WSB1: variants seen among roughly 807,000 people sequenced by gnomAD.
WSB1 encodes the protein WD repeat and SOCS box containing 1.
A neutral mutation model predicts 50.2 loss-of-function variants in WSB1; 23 were observed. The observed-to-expected ratio is 0.46, with a 90% CI of 0.33 to 0.65. The LOEUF (loss-of-function observed/expected upper bound fraction) is 0.65, where lower values mean the gene tolerates loss of function less well. WSB1 is among the 30% of genes least tolerant of loss of function. The pLI, the probability that WSB1 is intolerant of heterozygous loss-of-function variation, is 0.02. For synonymous variants in WSB1, 179 were observed against 172.0 expected (o/e 1.04, Z -0.32); for missense variants, 492 against 522.3 (o/e 0.94, Z 0.56).
rs775426843 is a variant in WSB1 at position 27,306,779 on chromosome 17, C to T, written c.611-3C>T. 6.2e-6 allele frequency: 10 copies of T among 1,613,032 alleles called. No individual in the cohort carries two copies. Among genetic ancestry groups the T allele is most frequent in the Non-Finnish European group, 8.5e-6 (10 of 1,179,696 alleles). On this transcript the variant is annotated splice_polypyrimidine_tract_variant and splice_region_variant and intron_variant, in intron 4 of 8. Transcript: ENST00000262394. ...TTAATACAGATTATTTCTTTTTGTTCAGGAAACATGATGAAAGTATTGAGG... is the reference window on the plus strand; with the variant it reads ...TTAATACAGATTATTTCTTTTTGTTTAGGAAACATGATGAAAGTATTGAGG...
intron 2 of WSB1, among the ~76,000 whole-genome samples, chr17:27,302,214 C>T (rs2017258983): frequency 6.6e-6 from 1 of 151,930 alleles, no homozygotes; most frequent in Non-Finnish European, 1.5e-5. Context: ...AGTTTGATAC[C>T]CGCCTGGCCA....
chr17:27,302,482 A>T, intron 2 of WSB1: 1 of 131,250 alleles, frequency 7.6e-6, no homozygotes, highest in East Asian at 2.0e-4. Flanking sequence ...TAAAAGTCAG[A>T]TTGTGTCTAA....
chr17:27,307,101 A>G, intron 5 of WSB1: 1 of 532,388 alleles, frequency 1.9e-6, no homozygotes, highest in Admixed American at 3.4e-5. Flanking sequence ...ATAGATAATA[A>G]TGGGCATATC....
In WSB1 at chr17:27,312,490, C is replaced by A; in HGVS notation, c.*121C>A. On this transcript the variant is annotated 3_prime_UTR_variant, in exon 9 of 9. Transcript: ENST00000262394. ...GAAGATTTATTTAATTTGATATGTT[C>A]TTGTACTGCATTTTGATCAGTTGAG... 7.8e-7 allele frequency: 1 copy of A among 1,288,414 alleles called. No homozygotes were observed. 79.8% of individuals were successfully genotyped at this position (1,288,414 alleles called of 1,614,324 possible). A position where few individuals can be genotyped will look rare whatever the true frequency, so the allele number is the denominator to read the frequency against.
chr17:27,300,170 T>TGGGTGTGTGTGGGGGGGGGGGGG (rs2017168109), intron 1 of WSB1, among the ~76,000 whole-genome samples: 1 of 112,084 alleles, frequency 8.9e-6, no homozygotes, highest in Non-Finnish European at 1.8e-5. Context: ...ATTTTGGGGG[T>TGGGTGTGTGTGGGGGGGGGGGGG]GGGTGTGTCC....
rs2017383642 is a variant in WSB1 at position 27,304,866 on chromosome 17, G to GCTT, written c.567_569dup (p.Ser190dup). The GCTT allele has an allele frequency of 6.2e-7, 1 of 1,613,950 alleles. No individual in the cohort carries two copies. Among genetic ancestry groups the GCTT allele is most frequent in the South Asian group, 1.1e-5 (1 of 91,092 alleles). On this transcript the variant is annotated inframe_insertion, in exon 4 of 9. Transcript: ENST00000262394. Reference sequence around the variant, plus strand: ...AGATGGAAGCTTGATCCTGGTGTCAGCTTCAAGAGACAAAACTCTCAGAGT... The same window carrying GCTT: ...AGATGGAAGCTTGATCCTGGTGTCAGCTTCTTCAAGAGACAAAACTCTCAGAGT...
intron 1 of WSB1, among the ~76,000 whole-genome samples, chr17:27,294,672 C>G (rs1597746315): frequency 6.6e-6 from 1 of 152,144 alleles, no homozygotes; most frequent in African/African-American, 2.4e-5. Context: ...CTGGGGCGGG[C>G]AAGGACCCCG....
At chr17:27,298,206 A>G (rs1248111548) in intron 1 of WSB1, among the ~76,000 whole-genome samples, 2 of 150,526 alleles carry the variant, frequency 1.3e-5, no homozygotes, top group Non-Finnish European at 2.9e-5. Context: ...GCTTAATTTT[A>G]GTCTCATTTA....
intron 1 of WSB1, among the ~76,000 whole-genome samples, chr17:27,295,963 G>A (rs1216609036): frequency 4.0e-5 from 6 of 151,866 alleles, no homozygotes; most frequent in African/African-American, 1.5e-4. Context: ...TCAGCCTCCT[G>A]AGTAGGTGGG....
chr17:27,308,666 G>C, intron 5 of WSB1: 1 of 986,600 alleles, frequency 1.0e-6, no homozygotes, highest in Non-Finnish European at 1.2e-6. Flanking sequence ...GATGCCAATG[G>C]AGTAACAATT....
intron 4 of WSB1, 42 bp from the exon 5 acceptor site, chr17:27,306,740 A>G: frequency 6.3e-7 from 1 of 1,583,360 alleles, no homozygotes; most frequent in Admixed American, 1.7e-5. Context: ...GCTCATTTGA[A>G]GTGGATTCTA....
chr17:27,302,959 A>AT (rs1006539507), intron 2 of WSB1: 1 of 171,458 alleles, frequency 5.8e-6, no homozygotes, highest in Non-Finnish European at 1.2e-5. Context: ...TGGTTTGAGG[A>AT]TTTTTTTCCC....
At chr17:27,302,203 G>A (rs1267043432) in intron 2 of WSB1, among the ~76,000 whole-genome samples, 2 of 152,090 alleles carry the variant, frequency 1.3e-5, no homozygotes, top group Non-Finnish European at 2.9e-5. Context: ...TTGAGGTCAG[G>A]AGTTTGATAC....
chr17:27,301,135 G>A (rs7224922), intron 1 of WSB1, among the ~76,000 whole-genome samples: 80,006 of 151,976 alleles, frequency 0.53, 23,346 homozygotes, highest in African/African-American at 0.8. Flanking sequence ...TGGCCTCCCA[G>A]AATGTTGGGA....
chr17:27,307,719 A>G (rs1450214103), intron 5 of WSB1: 18 of 1,534,238 alleles, frequency 1.2e-5, no homozygotes, highest in Non-Finnish European at 1.6e-5. Context: ...TGTTTTCCAT[A>G]TGCTTCTTGC....
rs1193479759 is a variant in WSB1, at chr17:27,304,556, A to AG, written c.479-224_479-223insG. On this transcript the variant is annotated intron_variant, in intron 3 of 8. Transcript: ENST00000262394. ...TCTCCAAAAAAAAAAAAAAAAAAAA[A>AG]AAAAAAAAGGCCAGCCGTGGTGACT... is the stretch of plus-strand genomic sequence containing the variant. Among the ~76,000 whole-genome samples the AG allele has an allele frequency of 2.0e-5, 3 of 148,814 alleles. No homozygotes were observed. The East Asian group carries it at 5.9e-4, about 29-fold the overall frequency.
rs2017795403 is a variant in WSB1, at chr17:27,314,616, G to A, written c.*2247G>A. On this transcript the variant is annotated 3_prime_UTR_variant, in exon 9 of 9. Transcript: ENST00000262394. ...CTTTTCATATCATTGCATTATTTTTGCTTTCCACACCAACATATCCAGTCA... is the reference window on the plus strand; with the variant it reads ...CTTTTCATATCATTGCATTATTTTTACTTTCCACACCAACATATCCAGTCA... The A allele has an allele frequency of 6.6e-6, 1 of 151,988 alleles. No individual in the cohort carries two copies. Among genetic ancestry groups the A allele is most frequent in the Admixed American group, 6.6e-5 (1 of 15,228 alleles). 9.4% of individuals were successfully genotyped at this position (151,988 alleles called of 1,614,324 possible). A position where few individuals can be genotyped will look rare whatever the true frequency, so the allele number is the denominator to read the frequency against.
At chr17:27,303,745 T>G in intron 3 of WSB1, 110 bp downstream of exon 3, 1 of 1,365,736 alleles carries the variant, frequency 7.3e-7, no homozygotes, top group Admixed American at 2.1e-5. Context: ...AAGCAAGAAT[T>G]GATGGCATAG....
At chr17:27,294,489 C>T (rs987693123) in intron 1 of WSB1, 54 bp downstream of exon 1, 23 of 1,603,936 alleles carry the variant, frequency 1.4e-5, no homozygotes, top group East Asian at 2.3e-5. Flanking sequence ...GGCAGGGACT[C>T]CCCGGAGGAG....
Sources: allele counts gnomAD v4.1 joint callset (sites outside exome capture counted in the v4.1 genomes callset), GRCh38; gene constraint gnomAD v4.1.1; transcripts MANE v1.5; gene names NCBI Gene and HGNC (gene_info 2026-07-23, HGNC 2026-07-21).